PTPRG: variants seen among roughly 807,000 people sequenced by gnomAD.
The protein encoded by PTPRG is receptor-type tyrosine-protein phosphatase gamma.
Under a neutral mutation model 165.3 loss-of-function variants are expected in PTPRG, and 102 were observed. The observed-to-expected ratio is 0.62, with a 90% CI of 0.53 to 0.73. The LOEUF (loss-of-function observed/expected upper bound fraction) is 0.73. PTPRG is among the 30% of genes least tolerant of loss of function. PTPRG has a pLI of 0.00. For missense variants in PTPRG, 1,866 were observed against 1,861.4 expected (o/e 1.00, Z -0.05); for synonymous variants, 675 against 669.5 (o/e 1.01, Z -0.13).
chr3:61,752,676 C>G (rs1004377516), intron 2 of PTPRG, among the ~76,000 whole-genome samples: 1 of 148,878 alleles, frequency 6.7e-6, no homozygotes, highest in African/African-American at 2.5e-5. Flanking sequence ...ATCCCAGCTA[C>G]TCGGGAGGCT....
At chr3:61,744,328 C>T (rs2033114069) in intron 1 of PTPRG, among the ~76,000 whole-genome samples, 1 of 152,092 alleles carries the variant, frequency 6.6e-6, no homozygotes, top group South Asian at 2.1e-4. Context: ...GATAATTAGT[C>T]CTCAGACGCT....
chr3:62,288,933 T>TA (rs1286345733), intron 28 of PTPRG, among the ~76,000 whole-genome samples: 10 of 152,242 alleles, frequency 6.6e-5, no homozygotes, highest in African/African-American at 2.4e-4. Flanking sequence ...AATAAAAAGC[T>TA]AAAAATAATA....
chr3:61,584,145 C>G lies in PTPRG; in HGVS notation c.85+21773C>G, dbSNP rs1197304143. Among the ~76,000 whole-genome samples, 6 of 152,178 alleles carry G rather than the reference C, an allele frequency of 3.9e-5. No homozygotes were observed. The East Asian group carries it at 9.6e-4, about 24-fold the overall frequency. ...CTCTGGAGGAGACATGCTGATAACA[C>G]TTAGCCTTAACTGCTTCTCTTGATT... On this transcript the variant is annotated intron_variant, in intron 1 of 29. Coordinates refer to ENST00000474889, the MANE Select transcript of PTPRG (RefSeq NM_002841.4).
intron 2 of PTPRG, among the ~76,000 whole-genome samples, chr3:61,939,804 T>A (rs2039568346): frequency 6.6e-6 from 1 of 152,126 alleles, no homozygotes; most frequent in African/African-American, 2.4e-5. Flanking sequence ...CATGTGCAGC[T>A]CCATGGGCTT....
chr3:62,218,785 T>G, intron 12 of PTPRG, 66 bp from the exon 13 acceptor site: 1 of 1,535,796 alleles, frequency 6.5e-7, no homozygotes. Flanking sequence ...AACAGAACTC[T>G]GCATCAATTC....
intron 5 of PTPRG, among the ~76,000 whole-genome samples, chr3:62,115,943 A>C (rs911913731): frequency 2.6e-5 from 4 of 152,234 alleles, no homozygotes; most frequent in African/African-American, 9.6e-5. Flanking sequence ...AGTATATTTT[A>C]AGCAACTTTT....
chr3:61,563,191 C>T (rs923948235), intron 1 of PTPRG, among the ~76,000 whole-genome samples: 1 of 152,032 alleles, frequency 6.6e-6, no homozygotes, highest in Non-Finnish European at 1.5e-5. Context: ...GCTGTTCGCG[C>T]CGGGGCTGAT....
intron 2 of PTPRG, among the ~76,000 whole-genome samples, chr3:61,819,400 C>T (rs1282492538): frequency 6.6e-6 from 1 of 152,072 alleles, no homozygotes; most frequent in African/African-American, 2.4e-5. Flanking sequence ...ACTAAGGATA[C>T]CATGTAGTGT....
chr3:61,829,253 C>G (rs149470491), intron 2 of PTPRG, among the ~76,000 whole-genome samples: 39 of 152,370 alleles, frequency 2.6e-4, no homozygotes, highest in African/African-American at 5.5e-4. Flanking sequence ...GAGCCCTCCA[C>G]AAATAGTACA....
chr3:61,978,003 C>T (rs2040548297), intron 2 of PTPRG, among the ~76,000 whole-genome samples: 1 of 152,158 alleles, frequency 6.6e-6, no homozygotes, highest in South Asian at 2.1e-4. Flanking sequence ...AGGCACCTGC[C>T]ACCACACTCA....
At chr3:61,662,398 T>C (rs1220214961) in intron 1 of PTPRG, among the ~76,000 whole-genome samples, 5 of 152,190 alleles carry the variant, frequency 3.3e-5, no homozygotes, top group African/African-American at 1.2e-4. Flanking sequence ...GCCATATAAG[T>C]AAGCCTGGAA....
At chr3:62,138,514 T>C (rs894441096) in intron 6 of PTPRG, among the ~76,000 whole-genome samples, 2 of 151,308 alleles carry the variant, frequency 1.3e-5, no homozygotes, top group African/African-American at 4.9e-5. Context: ...AGGTCAGGAG[T>C]TGGAGACCAG....
intron 7 of PTPRG, among the ~76,000 whole-genome samples, chr3:62,164,423 C>G (rs1192193418): frequency 6.6e-6 from 1 of 152,160 alleles, no homozygotes; most frequent in Non-Finnish European, 1.5e-5. Context: ...AGACAGGCCA[C>G]TGGCGATTTT....
In PTPRG at chr3:61,776,089, T is replaced by TAA. The variant is rs35921018; in HGVS notation, c.190+27117_190+27118dup. Among the ~76,000 whole-genome samples the TAA allele has an allele frequency of 1.3e-3, 194 of 147,574 alleles. 1 individual carries two copies. The highest frequency in any genetic ancestry group is 3.8e-3 in the African/African-American group (154 of 40,290). On this transcript the variant is annotated intron_variant, in intron 2 of 29. Coordinates refer to ENST00000474889, the MANE Select transcript of PTPRG (RefSeq NM_002841.4). ...ACTTAAAGTATAATAATAATAAAATTAAAAAAAAAAAGAATTCAAGGTTCT... is the reference window on the plus strand; with the variant it reads ...ACTTAAAGTATAATAATAATAAAATTAAAAAAAAAAAAAGAATTCAAGGTTCT...
intron 2 of PTPRG, among the ~76,000 whole-genome samples, chr3:61,900,500 C>G (rs549281054): frequency 6.6e-6 from 1 of 152,330 alleles, no homozygotes; most frequent in East Asian, 1.9e-4. Flanking sequence ...TCCCCATCCT[C>G]TGATGTAAGG....
At chr3:62,266,795 A>G (rs1701889409) in intron 17 of PTPRG, among the ~76,000 whole-genome samples, 1 of 148,800 alleles carries the variant, frequency 6.7e-6, no homozygotes, top group Non-Finnish European at 1.5e-5. Context: ...GCTATCCTAA[A>G]AAAAACAGGC....
intron 4 of PTPRG, among the ~76,000 whole-genome samples, chr3:62,069,430 C>A (rs1231965741): frequency 6.6e-6 from 1 of 152,132 alleles, no homozygotes; most frequent in African/African-American, 2.4e-5. Context: ...GGGCTACATT[C>A]TCCAAGGTAG....
intron 5 of PTPRG, among the ~76,000 whole-genome samples, chr3:62,110,563 C>G (rs549034513): frequency 2.6e-4 from 40 of 151,026 alleles, no homozygotes; most frequent in African/African-American, 9.5e-4. Flanking sequence ...AGGAATGATA[C>G]GCTCTACCTT....
chr3:62,134,154 G>A lies in PTPRG; in HGVS notation c.682+1486G>A, dbSNP rs145954498. ...GCTTAGGGGACACAAACCTTCAGGC[G>A]ACAGCAGAGGCTGCTACATATGGAA... On this transcript the variant is annotated intron_variant, in intron 6 of 29. Transcript: ENST00000474889. Among the ~76,000 whole-genome samples the A allele has an allele frequency of 4.2e-3, 632 of 152,190 alleles. 5 individuals are homozygous for A. The highest frequency in any genetic ancestry group is 0.014 in the African/African-American group (584 of 41,526).
Sources: allele counts gnomAD v4.1 joint callset (sites outside exome capture counted in the v4.1 genomes callset), GRCh38; gene constraint gnomAD v4.1.1; transcripts MANE v1.5; gene names NCBI Gene and HGNC (gene_info 2026-07-23, HGNC 2026-07-21).